Variants in GALNTL5 observed in about 807,000 individuals in gnomAD.
The protein encoded by GALNTL5 is polypeptide N-acetylgalactosaminyltransferase like 5.
In GALNTL5, 44 loss-of-function variants were observed where a neutral mutation model predicts 51.0. The ratio of observed to expected loss-of-function variants is 0.86; its 90% confidence interval spans 0.68 to 1.11. The LOEUF (loss-of-function observed/expected upper bound fraction) is 1.11. Among genes scored for constraint, GALNTL5 ranks in the 50% least tolerant of loss-of-function variants. The probability of loss-of-function intolerance (pLI) is 0.00; values close to 1 mark genes in which losing one functional copy is unlikely to be tolerated. For missense variants in GALNTL5, 528 were observed against 531.8 expected, an observed-to-expected ratio of 0.99 and a Z score of 0.07; for synonymous variants, 192 against 182.8, an observed-to-expected ratio of 1.05 and a Z score of -0.41.
chr7:151,962,027 G>A (rs55921500), intron 1 of GALNTL5, among the ~76,000 whole-genome samples: 9,104 of 137,412 alleles, frequency 0.066, 336 homozygotes, highest in Non-Finnish European at 0.092. Flanking sequence ...TTTTAATGGA[G>A]TCTCTCGCTC....
At chr7:151,971,445 G>A (rs927789389) in intron 3 of GALNTL5, among the ~76,000 whole-genome samples, 1 of 152,084 alleles carries the variant, frequency 6.6e-6, no homozygotes, top group Admixed American at 6.6e-5. Flanking sequence ...CAAAAAAATT[G>A]TTCTTTCAAT....
At position 152,018,494 on chromosome 7, in the gene GALNTL5, G is replaced by A. The variant is rs566594406; in HGVS notation, c.1177-1152G>A. ...TCTGTGAACGCTGGTCAGGGATCTA[G>A]ATGGTTGAATTGAACATAGCTATTT... On this transcript the variant is annotated intron_variant, in intron 8 of 8. Coordinates refer to ENST00000392800, the MANE Select transcript of GALNTL5 (RefSeq NM_145292.4). 2.6e-5 allele frequency among the ~76,000 whole-genome samples: 4 copies of A among 152,236 alleles called. 1 individual carries two copies. The East Asian group carries it at 7.7e-4, about 29-fold the overall frequency.
intron 7 of GALNTL5, among the ~76,000 whole-genome samples, chr7:152,010,857 G>T (rs1472382966): frequency 6.7e-6 from 1 of 149,358 alleles, no homozygotes; most frequent in East Asian, 1.9e-4. Context: ...GCCTTCTCTT[G>T]GGGGATTATG....
rs1586845788 is a variant in GALNTL5 at position 152,002,780 on chromosome 7, A to T, written c.725A>T (p.His242Leu). The change falls in exon 6 of 9, where the codon CAT becomes CTT. Residue 242 changes from histidine (H) to leucine (L), a missense_variant. By Grantham distance (99) the His-to-Leu change is moderately conservative (BLOSUM62 -3). Coordinates refer to ENST00000392800, the MANE Select transcript of GALNTL5 (RefSeq NM_145292.4). ...VNRVWLEPLL[H>L]AIAKDPKMVV... ...AGAGTATGGCTGGAGCCCCTGCTGC[A>T]TGCCATTGCCAAGGACCCCAAAATG... 1 of 1,614,088 alleles carries T rather than the reference A, an allele frequency of 6.2e-7. No individual in the cohort carries two copies. The highest frequency in any genetic ancestry group is 8.5e-7 in the Non-Finnish European group (1 of 1,179,944).
chr7:151,973,388 C>A (rs909339368), intron 3 of GALNTL5, among the ~76,000 whole-genome samples: 2 of 152,060 alleles, frequency 1.3e-5, no homozygotes, highest in Non-Finnish European at 2.9e-5. Context: ...TTGTTTCAAC[C>A]CAGCCAGCAG....
At chr7:151,973,304 A>AC (rs2081169629) in intron 3 of GALNTL5, among the ~76,000 whole-genome samples, 1 of 151,830 alleles carries the variant, frequency 6.6e-6, no homozygotes, top group South Asian at 2.1e-4. Flanking sequence ...AAAATACAAA[A>AC]AAAAAAAAAA....
At chr7:151,993,917 T>A (rs1247411846) in intron 5 of GALNTL5, among the ~76,000 whole-genome samples, 1 of 152,192 alleles carries the variant, frequency 6.6e-6, no homozygotes, top group Non-Finnish European at 1.5e-5. Context: ...CCACCACACA[T>A]GGCTCTTCTA....
chr7:151,969,843 G>A (rs1008538714), intron 2 of GALNTL5, among the ~76,000 whole-genome samples: 3 of 152,318 alleles, frequency 2.0e-5, no homozygotes, highest in Admixed American at 6.5e-5. Flanking sequence ...GTCTCGCTCT[G>A]TCGCCCAGGC....
At chr7:151,971,132 T>C (rs1488581316) in intron 3 of GALNTL5, 67 bp downstream of exon 3, 2 of 1,309,004 alleles carry the variant, frequency 1.5e-6, no homozygotes, top group Non-Finnish European at 2.2e-6. Flanking sequence ...GATAGATAGA[T>C]AGATAGAAAG....
intron 3 of GALNTL5, among the ~76,000 whole-genome samples, chr7:151,974,507 G>A (rs7795900): frequency 0.045 from 6,891 of 152,274 alleles, 495 homozygotes; most frequent in African/African-American, 0.16. Context: ...GTTGCAACTT[G>A]TGTGCAACGC....
chr7:151,961,458 C>T (rs932286780), intron 1 of GALNTL5, among the ~76,000 whole-genome samples: 1 of 151,450 alleles, frequency 6.6e-6, no homozygotes, highest in Non-Finnish European at 1.5e-5. Context: ...CTGTAGTGAG[C>T]CAAGATTGCA....
intron 6 of GALNTL5, among the ~76,000 whole-genome samples, chr7:152,005,205 A>C (rs906394261): frequency 7.5e-6 from 1 of 133,300 alleles, no homozygotes; most frequent in Non-Finnish European, 1.7e-5. Context: ...AGCTAGGTGC[A>C]ATGAGTTTTG....
At chr7:151,962,842 C>T (rs941290043) in intron 1 of GALNTL5, among the ~76,000 whole-genome samples, 1 of 152,082 alleles carries the variant, frequency 6.6e-6, no homozygotes, top group Non-Finnish European at 1.5e-5. Flanking sequence ...CTCCTGACCT[C>T]AAGTGATCCA....
At chr7:151,999,572 C>T (rs749468050) in intron 5 of GALNTL5, among the ~76,000 whole-genome samples, 4 of 152,152 alleles carry the variant, frequency 2.6e-5, no homozygotes, top group East Asian at 3.8e-4. Flanking sequence ...TGGTTCTTCA[C>T]GTTGGTTTTG....
intron 5 of GALNTL5, among the ~76,000 whole-genome samples, chr7:151,990,992 C>G (rs1426865263): frequency 6.6e-6 from 1 of 152,148 alleles, no homozygotes; most frequent in African/African-American, 2.4e-5. Context: ...AAAAAACAAA[C>G]ATATCAATAT....
At chr7:151,997,913 A>C (rs2081520421) in intron 5 of GALNTL5, among the ~76,000 whole-genome samples, 1 of 152,210 alleles carries the variant, frequency 6.6e-6, no homozygotes. Flanking sequence ...TTAAAAAATC[A>C]AACCATAGCC....
chr7:152,002,520 T>G (rs962772308), intron 5 of GALNTL5, among the ~76,000 whole-genome samples, 194 bp from the exon 6 acceptor site: 2 of 152,214 alleles, frequency 1.3e-5, no homozygotes, highest in Admixed American at 6.6e-5. Flanking sequence ...CCCCTCAACA[T>G]CTATGGCACA....
At chr7:151,958,004 G>A (rs754656176) in intron 1 of GALNTL5, 1 of 152,128 alleles carries the variant, frequency 6.6e-6, no homozygotes, top group Non-Finnish European at 1.5e-5. Context: ...AAATTAAGGA[G>A]GTTGGGGATA....
intron 5 of GALNTL5, among the ~76,000 whole-genome samples, chr7:151,990,040 T>TTTTA (rs200290337): frequency 0.015 from 2,224 of 152,060 alleles, 19 homozygotes; most frequent in Non-Finnish European, 0.019. Flanking sequence ...TTGAGCAGAA[T>TTTTA]TTTATTTATT....
Sources: gnomAD v4.1 joint callset for allele counts (sites outside exome capture counted in the v4.1 genomes callset) on GRCh38, gnomAD v4.1.1 for gene constraint, MANE v1.5 for transcripts, NCBI Gene and HGNC (gene_info 2026-07-23, HGNC 2026-07-21) for gene names.